The following AGBL4 variants were observed in gnomAD, a reference collection of about 807,000 sequenced individuals.
The protein encoded by AGBL4 is AGBL carboxypeptidase 4.
A neutral mutation model predicts 66.4 loss-of-function variants in AGBL4; 58 were observed. The ratio of observed to expected loss-of-function variants is 0.87; its 90% CI spans 0.71 to 1.09. The LOEUF (loss-of-function observed/expected upper bound fraction) is 1.09. Ranked by LOEUF, AGBL4 falls within the 50% of genes least tolerant of loss-of-function variation. The pLI is 0.00. For synonymous variants in AGBL4, 234 were observed against 222.9 expected, an observed-to-expected ratio of 1.05 and a Z score of -0.44; for missense variants, 579 against 631.0, an observed-to-expected ratio of 0.92 and a Z score of 0.88.
intron 6 of AGBL4, among the ~76,000 whole-genome samples, chr1:48,821,575 G>T (rs942917863): frequency 6.6e-6 from 1 of 152,030 alleles, no homozygotes; most frequent in African/African-American, 2.4e-5. Context: ...GAAAATAACA[G>T]ACACTGGGGA....
At chr1:49,415,649 G>C (rs1645411169) in intron 3 of AGBL4, among the ~76,000 whole-genome samples, 1 of 152,110 alleles carries the variant, frequency 6.6e-6, no homozygotes, top group African/African-American at 2.4e-5. Context: ...TTAAAGCAAA[G>C]GAGAGTGAGA....
At chr1:48,964,232 T>C (rs1658237399) in intron 5 of AGBL4, among the ~76,000 whole-genome samples, 1 of 152,200 alleles carries the variant, frequency 6.6e-6, no homozygotes, top group African/African-American at 2.4e-5. Context: ...CTGCCATACC[T>C]GAGCCAGTTC....
chr1:48,884,734 C>T (rs957288181), intron 5 of AGBL4, among the ~76,000 whole-genome samples: 8 of 152,042 alleles, frequency 5.3e-5, no homozygotes. Context: ...TAGAGTACCA[C>T]ATTGGATCCT....
Position 49,843,155 on chromosome 1 carries a change from G to A in AGBL4, c.157+8241C>T, listed in dbSNP as rs1226317164. Among the ~76,000 whole-genome samples, 5 of 152,100 alleles carry A rather than the reference G, an allele frequency of 3.3e-5. No individual in the cohort carries two copies. The East Asian group carries it at 9.7e-4, about 29-fold the overall frequency. On this transcript the variant is annotated intron_variant, in intron 2 of 13. Coordinates refer to ENST00000371839, the MANE Select transcript of AGBL4 (RefSeq NM_032785.4). Reference sequence around the variant, plus strand: ...CCTCCACATCAATAACAGACGGGGTGTTGCTCTCTTGCCCAGGCTAGAGTG... The same window carrying A: ...CCTCCACATCAATAACAGACGGGGTATTGCTCTCTTGCCCAGGCTAGAGTG...
chr1:49,513,265 AT>A (rs1168388912), intron 3 of AGBL4, among the ~76,000 whole-genome samples: 10 of 151,042 alleles, frequency 6.6e-5, no homozygotes, highest in Non-Finnish European at 1.2e-4. Context: ...TGCTGTGGCT[AT>A]TTCTTTTTAA....
In AGBL4 at chr1:49,995,193, G is replaced by C. The variant is rs578096057; in HGVS notation, c.34+28570C>G. 8.8e-6 allele frequency: 4 copies of C among 456,272 alleles called. No homozygotes were observed. In the East Asian group the frequency reaches 2.1e-4, roughly 24 times the overall value. 28.3% of individuals were successfully genotyped at this position (456,272 alleles called of 1,614,324 possible). Reference sequence around the variant, plus strand: ...AGATACAGCACAGAAACTGGGGCAGGTGGGGAGGCACAAATCCTGAAAGCT... The same window carrying C: ...AGATACAGCACAGAAACTGGGGCAGCTGGGGAGGCACAAATCCTGAAAGCT... On this transcript the variant is annotated intron_variant, in intron 1 of 13. Coordinates refer to ENST00000371839, the MANE Select transcript of AGBL4 (RefSeq NM_032785.4).
chr1:49,952,052 G>C (rs1656204222), intron 1 of AGBL4, among the ~76,000 whole-genome samples: 1 of 151,754 alleles, frequency 6.6e-6, no homozygotes, highest in South Asian at 2.1e-4. Context: ...TTCTGTTTGG[G>C]ATGATGAAAA....
chr1:48,570,220 C>G (rs1233660633), intron 11 of AGBL4, among the ~76,000 whole-genome samples: 1 of 152,246 alleles, frequency 6.6e-6, no homozygotes, highest in African/African-American at 2.4e-5. Flanking sequence ...CAATCACCTT[C>G]CGGTGAAGAG....
intron 2 of AGBL4, among the ~76,000 whole-genome samples, chr1:49,723,165 T>A (rs1216255531): frequency 6.6e-6 from 1 of 152,148 alleles, no homozygotes; most frequent in Admixed American, 6.6e-5. Flanking sequence ...ATTTGTCCTT[T>A]CTTTCTTTAA....
At chr1:48,573,245 T>C (rs532771725) in intron 11 of AGBL4, among the ~76,000 whole-genome samples, 1 of 152,360 alleles carries the variant, frequency 6.6e-6, no homozygotes, top group South Asian at 2.1e-4. Context: ...TCGCTTACTA[T>C]GCCATTTGAT....
At chr1:49,450,832 A>G (rs1206245681) in intron 3 of AGBL4, among the ~76,000 whole-genome samples, 1 of 152,078 alleles carries the variant, frequency 6.6e-6, no homozygotes, top group African/African-American at 2.4e-5. Flanking sequence ...CCAAGTCTCA[A>G]CAGGGCATAC....
At chr1:49,543,361 C>T (rs1210578862) in intron 3 of AGBL4, among the ~76,000 whole-genome samples, 1 of 152,044 alleles carries the variant, frequency 6.6e-6, no homozygotes, top group Non-Finnish European at 1.5e-5. Context: ...CTTCTCTATT[C>T]CTTACAACCC....
chr1:49,395,760 T>TAC (rs1457906614), intron 3 of AGBL4, among the ~76,000 whole-genome samples: 44 of 139,468 alleles, frequency 3.2e-4, no homozygotes, highest in South Asian at 2.2e-3. Context: ...TATATATATA[T>TAC]ATACACATAT....
intron 6 of AGBL4, among the ~76,000 whole-genome samples, chr1:48,839,749 C>A (rs996138869): frequency 3.3e-5 from 5 of 152,066 alleles, no homozygotes; most frequent in Non-Finnish European, 5.9e-5. Context: ...TGAAACAAAA[C>A]CTCAATCCAA....
intron 11 of AGBL4, chr1:48,586,579 A>T: frequency 5.3e-6 from 1 of 189,230 alleles, no homozygotes; most frequent in Non-Finnish European, 1.1e-5. Context: ...TAGACAAAAG[A>T]TGAAAAGAGA....
At chr1:48,721,652 C>A (rs751577215) in intron 6 of AGBL4, among the ~76,000 whole-genome samples, 1 of 152,212 alleles carries the variant, frequency 6.6e-6, no homozygotes, top group African/African-American at 2.4e-5. Flanking sequence ...CCCATTTCAG[C>A]ACTGCCCAGA....
Position 49,283,501 on chromosome 1 carries a change from G to A in AGBL4, c.283-37637C>T, listed in dbSNP as rs188499986. 2.3e-3 allele frequency among the ~76,000 whole-genome samples: 349 copies of A among 152,302 alleles called. 1 individual carries two copies. Among genetic ancestry groups the A allele is most frequent in the African/African-American group, 7.2e-3 (301 of 41,566 alleles). The stretch of plus-strand genomic sequence containing the variant: ...AGGAACGCAGTTCCTCACCAGCAAC[G>A]GAACAAAGCTGGATGGAGAATGACT... On this transcript the variant is annotated intron_variant, in intron 3 of 13. Transcript: ENST00000371839.
At chr1:49,013,362 G>A (rs1662591600) in intron 5 of AGBL4, among the ~76,000 whole-genome samples, 1 of 152,146 alleles carries the variant, frequency 6.6e-6, no homozygotes, top group Non-Finnish European at 1.5e-5. Context: ...ACTAAGCAAT[G>A]TCCAGGAATT....
intron 1 of AGBL4, among the ~76,000 whole-genome samples, chr1:49,877,341 C>T (rs929319724): frequency 7.2e-5 from 11 of 151,856 alleles, no homozygotes; most frequent in Non-Finnish European, 1.5e-4. Context: ...CCATCAATAC[C>T]TAATTTATTG....
Sources: gnomAD v4.1 joint callset for allele counts (sites outside exome capture counted in the v4.1 genomes callset) on GRCh38, gnomAD v4.1.1 for gene constraint, MANE v1.5 for transcripts, NCBI Gene and HGNC (gene_info 2026-07-23, HGNC 2026-07-21) for gene names.